The following TPGS2 variants were observed in gnomAD, a reference collection of about 807,000 sequenced individuals.
TPGS2 encodes the protein polyglutamylase subunit 2.
TPGS2 carries 26 observed loss-of-function variants against 31.1 expected under a neutral mutation model. The ratio of observed to expected loss-of-function variants is 0.84; its 90% CI spans 0.61 to 1.16. TPGS2 has a LOEUF of 1.16. TPGS2 is among the 50% of genes most tolerant of loss of function. The probability of loss-of-function intolerance (pLI) is 0.00; values close to 1 mark genes in which losing one functional copy is unlikely to be tolerated. For missense variants in TPGS2, 351 were observed against 363.8 expected, an observed-to-expected ratio of 0.96 and a Z score of 0.29; for synonymous variants, 130 against 136.6, an observed-to-expected ratio of 0.95 and a Z score of 0.34.
chr18:36,806,803 A>G (rs2045158065), intron 3 of TPGS2, among the ~76,000 whole-genome samples: 1 of 138,822 alleles, frequency 7.2e-6, no homozygotes, highest in Non-Finnish European at 1.5e-5. Context: ...GTGAGCAGAG[A>G]TCGCGCCACT....
At chr18:36,808,238 T>C (rs1300169642) in intron 2 of TPGS2, among the ~76,000 whole-genome samples, 1 of 152,024 alleles carries the variant, frequency 6.6e-6, no homozygotes, top group African/African-American at 2.4e-5. Flanking sequence ...CAGGGGAACA[T>C]GGCAAGAGGG....
intron 2 of TPGS2, among the ~76,000 whole-genome samples, chr18:36,816,908 G>A (rs2045682682): frequency 6.6e-6 from 1 of 152,310 alleles, no homozygotes; most frequent in African/African-American, 2.4e-5. Context: ...CGCCAGCCTG[G>A]CAGTTCTACT....
intron 3 of TPGS2, 109 bp from the exon 4 acceptor site, chr18:36,805,611 G>A (rs886198183): frequency 7.0e-7 from 1 of 1,435,416 alleles, no homozygotes; most frequent in African/African-American, 1.4e-5. Flanking sequence ...TTCGCCCCAT[G>A]GCTGACGAAT....
chr18:36,807,804 C>T (rs2045231252), intron 3 of TPGS2, 43 bp downstream of exon 3: 2 of 1,589,828 alleles, frequency 1.3e-6, no homozygotes, highest in Non-Finnish European at 1.7e-6. Context: ...CCCATTCAAT[C>T]TCTCAGCCAG....
chr18:36,796,991 G>T lies in TPGS2; in HGVS notation c.717C>A (p.Thr239=). 6.2e-7 allele frequency: 1 copy of T among 1,601,724 alleles called. No individual in the cohort carries two copies. Among genetic ancestry groups the T allele is most frequent in the East Asian group, 2.2e-5 (1 of 44,762 alleles). ...GATCTAGCTTATTCACAAAGGAGTC[G>T]GTCTCTTCTGTGAGCAGGTTTGTGT... ...TYNTNLLTEE[T]DSFVNKLDPS... Residue 239 remains threonine (T), a synonymous_variant, in exon 7 of 7, where the codon ACC becomes ACA. Coordinates refer to ENST00000334295, the MANE Select transcript of TPGS2 (RefSeq NM_015476.4).
intron 4 of TPGS2, among the ~76,000 whole-genome samples, chr18:36,802,871 C>T (rs140443245): frequency 6.6e-6 from 1 of 152,192 alleles, no homozygotes; most frequent in Non-Finnish European, 1.5e-5. Context: ...CATGATTCGC[C>T]CCCCTCGGCC....
chr18:36,817,885 C>T (rs887251242), intron 2 of TPGS2: 1 of 152,184 alleles, frequency 6.6e-6, no homozygotes, highest in Non-Finnish European at 1.5e-5. Context: ...CAATTTGTTG[C>T]CACTTGCCCC....
intron 2 of TPGS2, 54 bp downstream of exon 2, chr18:36,818,840 C>A (rs2045773146): frequency 1.3e-6 from 2 of 1,504,160 alleles, no homozygotes; most frequent in South Asian, 2.3e-5. Flanking sequence ...TTCTCAGGGA[C>A]ATTTACACTG....
Position 36,798,503 on chromosome 18 carries a change from G to A in TPGS2, c.603C>T (p.Gly201=), listed in dbSNP as rs967346280. 5.0e-6 allele frequency: 8 copies of A among 1,614,124 alleles called. No homozygotes were observed. The highest frequency in any genetic ancestry group is 1.7e-5 in the Admixed American group (1 of 60,010). The change falls in exon 6 of 7, where the codon GGC becomes GGT. Residue 201 remains glycine (G), a synonymous_variant. Coordinates refer to ENST00000334295, the MANE Select transcript of TPGS2 (RefSeq NM_015476.4). ...TGAAGGCATATTGCCACTGGGGCAG[G>A]CCCAGGTGGGTGATGAGCAGGCGGT... ...AYYRLLITHL[G]LPQWQYAFTS... is the part of the protein sequence containing the mutation.
At chr18:36,781,219 G>A (rs113510021), downstream of TPGS2, among the ~76,000 whole-genome samples, 1,134 of 152,298 alleles carry the variant, frequency 7.4e-3, 13 homozygotes, top group Non-Finnish European at 0.011. Context: ...TACCCTCCAC[G>A]GAAGCCCCTT....
At chr18:36,825,186 A>G (rs911511122) in intron 1 of TPGS2, among the ~76,000 whole-genome samples, 2 of 152,282 alleles carry the variant, frequency 1.3e-5, no homozygotes, top group Admixed American at 1.3e-4. Context: ...TAATCCCAGC[A>G]CTTTGGGAGG....
intron 2 of TPGS2, among the ~76,000 whole-genome samples, chr18:36,813,641 G>A (rs542496604): frequency 3.4e-4 from 52 of 152,284 alleles, no homozygotes; most frequent in African/African-American, 1.2e-3. Context: ...TAAACTATCT[G>A]GTCCTCTAAC....
intron 4 of TPGS2, among the ~76,000 whole-genome samples, chr18:36,803,032 TGGA>T (rs1203865631): frequency 1.3e-5 from 2 of 152,210 alleles, no homozygotes; most frequent in Admixed American, 6.5e-5. Flanking sequence ...TATATATTGA[TGGA>T]GAACAACACG....
downstream of TPGS2, chr18:36,789,295 TTATAA>T (rs1203415129): frequency 6.6e-6 from 1 of 152,146 alleles, no homozygotes; most frequent in East Asian, 1.9e-4. Flanking sequence ...ATTCTGAAAA[TTATAA>T]TATAAAACAA....
chr18:36,823,281 T>A (rs2150697235), intron 1 of TPGS2, among the ~76,000 whole-genome samples: 1 of 152,226 alleles, frequency 6.6e-6, no homozygotes, highest in Admixed American at 6.5e-5. Context: ...AGAATTCAAT[T>A]CCTTTTGGTT....
downstream of TPGS2, chr18:36,781,940 A>G (rs775450951): frequency 2.5e-5 from 25 of 984,768 alleles, no homozygotes; most frequent in African/African-American, 3.5e-5. Flanking sequence ...AAAAGAATAC[A>G]TAGGGTATTA....
intron 6 of TPGS2, chr18:36,786,784 A>G (rs541280364): frequency 2.4e-6 from 3 of 1,232,712 alleles, no homozygotes; most frequent in Non-Finnish European, 2.0e-6. Flanking sequence ...GCCAGCAGAG[A>G]GTCTGTTCAC....
At position 36,810,817 on chromosome 18, in the gene TPGS2, T is replaced by G. The variant is rs139139373; in HGVS notation, c.166-2883A>C. Reference sequence around the variant, plus strand: ...TCATCAGATGAAGGACCTGAGCCACTTTTTTGTTTTGGGAGCTATCAACAA... The same window carrying G: ...TCATCAGATGAAGGACCTGAGCCACGTTTTTGTTTTGGGAGCTATCAACAA... On this transcript the variant is annotated intron_variant, in intron 2 of 6. Coordinates refer to ENST00000334295, the MANE Select transcript of TPGS2 (RefSeq NM_015476.4). Among the ~76,000 whole-genome samples, 558 of 152,326 alleles carry G rather than the reference T, an allele frequency of 3.7e-3. 4 individuals are homozygous for G. Among genetic ancestry groups the G allele is most frequent in the Middle Eastern group, 0.02 (6 of 294 alleles).
At chr18:36,793,144 G>T (rs1221305741), downstream of TPGS2, among the ~76,000 whole-genome samples, 1 of 152,180 alleles carries the variant, frequency 6.6e-6, no homozygotes, top group Non-Finnish European at 1.5e-5. Context: ...ACTTAGTTTA[G>T]TGCTCTTCTG....
Sources: allele counts gnomAD v4.1 joint callset (sites outside exome capture counted in the v4.1 genomes callset), GRCh38; gene constraint gnomAD v4.1.1; transcripts MANE v1.5; gene names NCBI Gene and HGNC (gene_info 2026-07-23, HGNC 2026-07-21).